DYSF: variants seen among roughly 807,000 people sequenced by gnomAD.
DYSF encodes the protein dysferlin, also known as dystrophy-associated fer-1-like 1.
DYSF carries 212 observed loss-of-function variants against 274.9 expected under a neutral mutation model. That is an observed-to-expected ratio of 0.77 (90% CI 0.69 to 0.86). DYSF has a LOEUF of 0.86. DYSF is among the 40% of genes least tolerant of loss of function. DYSF has a pLI of 0.00. For missense variants in DYSF, 2,666 were observed against 2,783.2 expected (o/e 0.96, Z 0.95); for synonymous variants, 1,091 against 1,078.7 (o/e 1.01, Z -0.22).
intron 40 of DYSF, among the ~76,000 whole-genome samples, chr2:71,618,661 G>GGT (rs1291356677): frequency 8.1e-4 from 92 of 113,586 alleles, no homozygotes; most frequent in Admixed American, 1.8e-3. Context: ...TGGCAGAGGA[G>GGT]GTGTGTGTGT....
At chr2:71,686,071 G>T (rs1169281937) in intron 55 of DYSF, among the ~76,000 whole-genome samples, 2 of 152,198 alleles carry the variant, frequency 1.3e-5, no homozygotes, top group African/African-American at 4.8e-5. Flanking sequence ...TGATGGAAGA[G>T]GCCAGGTCCA....
chr2:71,579,702 A>G (rs890980685), intron 30 of DYSF, among the ~76,000 whole-genome samples: 1 of 152,206 alleles, frequency 6.6e-6, no homozygotes, highest in African/African-American at 2.4e-5. Flanking sequence ...TCTCCCACAC[A>G]GTAGCCACTA....
At chr2:71,473,784 A>G (rs184265854) in intron 1 of DYSF, among the ~76,000 whole-genome samples, 1 of 152,318 alleles carries the variant, frequency 6.6e-6, no homozygotes, top group Non-Finnish European at 1.5e-5. Context: ...GTTCTGTGGC[A>G]TTAATCATTG....
At chr2:71,570,993 T>A in intron 29 of DYSF, 1 of 503,296 alleles carries the variant, frequency 2.0e-6, no homozygotes, top group East Asian at 3.4e-5. Context: ...AGCACACAGA[T>A]CACACTGGGA....
At chr2:71,641,776 A>C (rs1196854847) in intron 41 of DYSF, among the ~76,000 whole-genome samples, 1 of 152,126 alleles carries the variant, frequency 6.6e-6, no homozygotes, top group Non-Finnish European at 1.5e-5. Context: ...CTTTAAGCAT[A>C]TGCCTTTAAA....
At chr2:71,466,252 C>T (rs1333349799), upstream of DYSF, among the ~76,000 whole-genome samples, 4 of 152,226 alleles carry the variant, frequency 2.6e-5, no homozygotes, top group African/African-American at 7.2e-5. Flanking sequence ...GCACACTCCC[C>T]CTTCAGCGCT....
At chr2:71,492,536 C>G (rs767907803) in intron 3 of DYSF, among the ~76,000 whole-genome samples, 1 of 152,132 alleles carries the variant, frequency 6.6e-6, no homozygotes, top group Admixed American at 6.5e-5. Context: ...GAAATGGATA[C>G]ATGGTAACCC....
intron 30 of DYSF, among the ~76,000 whole-genome samples, chr2:71,575,416 G>A (rs1024345821): frequency 9.2e-5 from 14 of 152,270 alleles, no homozygotes; most frequent in Admixed American, 3.3e-4. Flanking sequence ...CTTGCCCTGG[G>A]GCCAGGTCAA....
intron 3 of DYSF, among the ~76,000 whole-genome samples, chr2:71,496,262 G>A (rs1214817820): frequency 6.6e-6 from 1 of 152,192 alleles, no homozygotes; most frequent in Admixed American, 6.5e-5. Flanking sequence ...GGAGGCCAAG[G>A]TGGGTGGACC....
In DYSF at chr2:71,589,831, A is replaced by ATG. The variant is rs148120948; in HGVS notation, c.3496+158_3496+159dup. On this transcript the variant is annotated intron_variant, in intron 31 of 55. Coordinates refer to ENST00000410020, the MANE Select transcript of DYSF (RefSeq NM_001130987.2). ...TTTTTGGTGGGTCAGTGCTGTGTGT[A>ATG]TGTGTGTGTGTGTGCGCGCGTGCGT... 4.6e-4 allele frequency: 375 copies of ATG among 818,168 alleles called. 1 individual carries two copies. In the African/African-American group the frequency reaches 4.8e-3, roughly 10 times the overall value. 50.7% of individuals were successfully genotyped at this position (818,168 alleles called of 1,614,324 possible).
chr2:71,537,355 C>T (rs1231302785), intron 16 of DYSF, among the ~76,000 whole-genome samples: 3 of 149,684 alleles, frequency 2.0e-5, no homozygotes, highest in Non-Finnish European at 4.4e-5. Context: ...AAGCGATTCT[C>T]CTGCCTCAGC....
intron 16 of DYSF, among the ~76,000 whole-genome samples, chr2:71,536,992 A>C (rs954249780): frequency 1.3e-5 from 2 of 151,814 alleles, no homozygotes; most frequent in African/African-American, 4.8e-5. Context: ...CAACAAAAAA[A>C]CCCCAAACCA....
At chr2:71,628,965 T>A (rs1477367152) in intron 41 of DYSF, among the ~76,000 whole-genome samples, 6 of 148,704 alleles carry the variant, frequency 4.0e-5, no homozygotes, top group Admixed American at 2.3e-4. Flanking sequence ...AAAAAAAAAA[T>A]TTAAAAAGTA....
chr2:71,525,306 C>A lies in DYSF; in HGVS notation c.1150-914C>A, dbSNP rs1461085641. Among the ~76,000 whole-genome samples the A allele has an allele frequency of 2.6e-5, 4 of 152,108 alleles. No individual in the cohort carries two copies. The East Asian group carries it at 7.7e-4, about 29-fold the overall frequency. On this transcript the variant is annotated intron_variant, in intron 12 of 55. Coordinates refer to ENST00000410020, the MANE Select transcript of DYSF (RefSeq NM_001130987.2). ...GTGGTGCAATCTTGGCTCACTGCAA[C>A]CTCTGCTTCCCAGGTTCAAGCAATT...
At chr2:71,505,744 C>T (rs2152720182) in intron 4 of DYSF, among the ~76,000 whole-genome samples, 1 of 152,358 alleles carries the variant, frequency 6.6e-6, no homozygotes, top group South Asian at 2.1e-4. Context: ...AAGCAGCATC[C>T]TCTCAGATGT....
chr2:71,589,798 C>A, intron 31 of DYSF, 112 bp downstream of exon 31: 2 of 1,116,104 alleles, frequency 1.8e-6, no homozygotes, highest in African/African-American at 1.5e-5. Context: ...GGAGCTGAGT[C>A]TCTGTGCTTT....
chr2:71,646,509 A>G (rs2094569931), intron 42 of DYSF, among the ~76,000 whole-genome samples: 1 of 152,244 alleles, frequency 6.6e-6, no homozygotes, highest in Non-Finnish European at 1.5e-5. Context: ...AAATGGAAGA[A>G]AACCACCATC....
At chr2:71,618,456 TTG>T (rs2093989308) in intron 40 of DYSF, among the ~76,000 whole-genome samples, 4 of 77,154 alleles carry the variant, frequency 5.2e-5, no homozygotes, top group South Asian at 9.0e-4. Flanking sequence ...AGAGGTGGGG[TTG>T]TGTGTGTGTG....
intron 42 of DYSF, among the ~76,000 whole-genome samples, chr2:71,650,475 C>T (rs1464028875): frequency 6.6e-6 from 1 of 151,834 alleles, no homozygotes; most frequent in Non-Finnish European, 1.5e-5. Flanking sequence ...AGCAAGATTC[C>T]ATCTCAAAAA....
Sources: gnomAD v4.1 joint callset for allele counts (sites outside exome capture counted in the v4.1 genomes callset) on GRCh38, gnomAD v4.1.1 for gene constraint, MANE v1.5 for transcripts, NCBI Gene and HGNC (gene_info 2026-07-23, HGNC 2026-07-21) for gene names.